ADAMTS6: variants seen among roughly 807,000 people sequenced by gnomAD.
ADAMTS6 encodes the protein ADAM metallopeptidase with thrombospondin type 1 motif 6, also known as A disintegrin and metalloproteinase with thrombospondin motifs 6.
A neutral mutation model predicts 144.3 loss-of-function variants in ADAMTS6; 23 were observed. The observed-to-expected ratio is 0.16, with a 90% confidence interval of 0.11 to 0.23. The LOEUF is 0.23. Among genes scored for constraint, ADAMTS6 ranks in the 10% least tolerant of loss-of-function variants. The pLI, the probability that ADAMTS6 is intolerant of heterozygous loss-of-function variation, is 1.00. For missense variants in ADAMTS6, 999 were observed against 1,379.6 expected, an observed-to-expected ratio of 0.72 and a Z score of 4.37; for synonymous variants, 444 against 457.5, an observed-to-expected ratio of 0.97 and a Z score of 0.38.
intron 1 of ADAMTS6, among the ~76,000 whole-genome samples, chr5:65,480,892 A>C (rs1265573529): frequency 6.6e-6 from 1 of 152,218 alleles, no homozygotes; most frequent in Non-Finnish European, 1.5e-5. Flanking sequence ...CCAGGCATAA[A>C]ATATGCACTT....
chr5:65,252,961 T>A (rs1760309860), intron 14 of ADAMTS6, among the ~76,000 whole-genome samples: 1 of 152,082 alleles, frequency 6.6e-6, no homozygotes, highest in South Asian at 2.1e-4. Flanking sequence ...CCTCTCAGCT[T>A]ACTGTAGCCT....
intron 24 of ADAMTS6, among the ~76,000 whole-genome samples, chr5:65,160,653 A>ATT (rs10644572): frequency 0.077 from 9,759 of 125,978 alleles, 520 homozygotes; most frequent in Middle Eastern, 0.14. Flanking sequence ...TCTTTCCTCC[A>ATT]TTTTTTTTTT....
chr5:65,428,137 A>T (rs2150211002), intron 7 of ADAMTS6, among the ~76,000 whole-genome samples: 1 of 151,618 alleles, frequency 6.6e-6, no homozygotes, highest in Non-Finnish European at 1.5e-5. Flanking sequence ...GAGGCAGGAG[A>T]ATCACTCAAA....
chr5:65,267,755 A>G (rs980436418), intron 12 of ADAMTS6, among the ~76,000 whole-genome samples: 4 of 152,186 alleles, frequency 2.6e-5, no homozygotes, highest in Non-Finnish European at 5.9e-5. Flanking sequence ...TTTAATATCC[A>G]GTACTGGGTC....
At chr5:65,270,271 G>T (rs1761951054) in intron 12 of ADAMTS6, among the ~76,000 whole-genome samples, 1 of 152,080 alleles carries the variant, frequency 6.6e-6, no homozygotes, top group Admixed American at 6.6e-5. Context: ...AAAATTCTGA[G>T]GTCTGGTTTA....
intron 7 of ADAMTS6, among the ~76,000 whole-genome samples, chr5:65,416,855 G>A (rs1454164439): frequency 6.6e-6 from 1 of 151,584 alleles, no homozygotes; most frequent in Non-Finnish European, 1.5e-5. Context: ...AACTCAAGGA[G>A]GAGGGACTCC....
intron 12 of ADAMTS6, among the ~76,000 whole-genome samples, chr5:65,265,309 G>A (rs1045213975): frequency 1.3e-5 from 2 of 151,954 alleles, no homozygotes; most frequent in Non-Finnish European, 2.9e-5. Context: ...CTGTGATCAG[G>A]GTTACTGATA....
At chr5:65,367,657 T>C (rs987218048) in intron 7 of ADAMTS6, among the ~76,000 whole-genome samples, 6 of 152,148 alleles carry the variant, frequency 3.9e-5, no homozygotes, top group Non-Finnish European at 8.8e-5. Flanking sequence ...AGCCTTCCCA[T>C]GCAGCTGGTT....
intron 4 of ADAMTS6, among the ~76,000 whole-genome samples, chr5:65,457,495 G>A (rs750028928): frequency 1.3e-5 from 2 of 151,976 alleles, no homozygotes; most frequent in East Asian, 1.9e-4. Context: ...TGACTAATGC[G>A]TAAACCATTA....
chr5:65,440,337 A>T (rs1227650669), intron 7 of ADAMTS6, among the ~76,000 whole-genome samples: 2 of 152,208 alleles, frequency 1.3e-5, no homozygotes, highest in African/African-American at 4.8e-5. Flanking sequence ...AGACATCAGG[A>T]AGCAAAGGAC....
intron 15 of ADAMTS6, among the ~76,000 whole-genome samples, chr5:65,236,499 G>A (rs1290457644): frequency 2.0e-5 from 3 of 151,948 alleles, no homozygotes; most frequent in Non-Finnish European, 2.9e-5. Context: ...GTTGCCCAGG[G>A]TGGTCTCCAA....
chr5:65,363,773 A>G (rs562852290), intron 7 of ADAMTS6, among the ~76,000 whole-genome samples: 1 of 152,310 alleles, frequency 6.6e-6, no homozygotes, highest in East Asian at 1.9e-4. Flanking sequence ...AGGGAAAACT[A>G]CCAGCCAAAC....
rs1743224164 is a variant in ADAMTS6, at chr5:65,300,232, T to C, written c.1224-101A>G. ...GCCATTTATTAGCCTTATCAACATA[T>C]GCCTTCCATCAGGATAGGCCAGATC... On this transcript the variant is annotated intron_variant, in intron 9 of 24. Transcript: ENST00000381055. 2.7e-6 allele frequency: 3 copies of C among 1,115,050 alleles called. 1 individual carries two copies. In the South Asian group the frequency reaches 4.6e-5, roughly 17 times the overall value. The allele number at this position is 1,115,050 out of a possible 1,614,324, so 69.1% of individuals were successfully genotyped here. A position where few individuals can be genotyped will look rare whatever the true frequency, so the allele number is the denominator to read the frequency against.
intron 22 of ADAMTS6, among the ~76,000 whole-genome samples, chr5:65,187,380 G>T (rs17812715): frequency 0.31 from 47,196 of 151,894 alleles, 8,937 homozygotes; most frequent in Admixed American, 0.45. Flanking sequence ...TCTTGGTCAG[G>T]TCTTCCTCAT....
intron 10 of ADAMTS6, among the ~76,000 whole-genome samples, chr5:65,292,386 G>GTT (rs200773430): frequency 4.1e-5 from 5 of 122,944 alleles, no homozygotes; most frequent in Admixed American, 8.1e-5. Context: ...CAGCACTTGT[G>GTT]TTTTTTTTTT....
chr5:65,192,990 T>C (rs1026849129), intron 21 of ADAMTS6, among the ~76,000 whole-genome samples: 1 of 151,942 alleles, frequency 6.6e-6, no homozygotes, highest in African/African-American at 2.4e-5. Flanking sequence ...TTTGAAAAAA[T>C]ACTTTCTGAT....
intron 14 of ADAMTS6, among the ~76,000 whole-genome samples, chr5:65,248,563 G>C (rs946487340): frequency 4.6e-5 from 7 of 152,106 alleles, no homozygotes; most frequent in Admixed American, 3.3e-4. Context: ...ACTTTGAGAA[G>C]CCAAGGCAGG....
At chr5:65,404,993 T>C (rs948612062) in intron 7 of ADAMTS6, among the ~76,000 whole-genome samples, 1 of 152,198 alleles carries the variant, frequency 6.6e-6, no homozygotes, top group African/African-American at 2.4e-5. Flanking sequence ...GATGGGGTTG[T>C]TTGTTTTCTT....
At chr5:65,221,357 T>G (rs942616293) in intron 18 of ADAMTS6, among the ~76,000 whole-genome samples, 1 of 152,168 alleles carries the variant, frequency 6.6e-6, no homozygotes, top group African/African-American at 2.4e-5. Flanking sequence ...ATCAATCAAT[T>G]TATTTACTAT....
Sources: allele counts gnomAD v4.1 joint callset (sites outside exome capture counted in the v4.1 genomes callset), GRCh38; gene constraint gnomAD v4.1.1; transcripts MANE v1.5; gene names NCBI Gene and HGNC (gene_info 2026-07-23, HGNC 2026-07-21).